MALRD1: variants seen among roughly 807,000 people sequenced by gnomAD.
The protein encoded by MALRD1 is MAM and LDL receptor class A domain containing 1.
Under a neutral mutation model 242.1 loss-of-function variants are expected in MALRD1, and 247 were observed. That is an observed-to-expected ratio of 1.02 (90% CI 0.92 to 1.13). The LOEUF (loss-of-function observed/expected upper bound fraction) is 1.13, where lower values mean the gene tolerates loss of function less well. Ranked by LOEUF, MALRD1 falls within the 50% of genes most tolerant of loss-of-function variation. The probability of loss-of-function intolerance (pLI) is 0.00; values close to 1 mark genes in which losing one functional copy is unlikely to be tolerated. For missense variants in MALRD1, 2,989 were observed against 2,533.1 expected (o/e 1.18, Z -3.86); for synonymous variants, 995 against 866.6 (o/e 1.15, Z -2.60).
chr10:19,132,662 TAGAAAGTGGGA>T (rs1203502058), intron 8 of MALRD1, among the ~76,000 whole-genome samples: 2 of 152,148 alleles, frequency 1.3e-5, no homozygotes, highest in Non-Finnish European at 2.9e-5. Flanking sequence ...TATCTCATGC[TAGAAAGTGGGA>T]CAGAGCCAGG....
chr10:19,337,439 A>T (rs1588931826), intron 24 of MALRD1, among the ~76,000 whole-genome samples: 1 of 152,122 alleles, frequency 6.6e-6, no homozygotes, highest in Non-Finnish European at 1.5e-5. Flanking sequence ...AGTTATAGCC[A>T]TCCTAGGGAG....
At chr10:19,637,357 A>T (rs1030957804) in intron 36 of MALRD1, among the ~76,000 whole-genome samples, 2 of 152,214 alleles carry the variant, frequency 1.3e-5, no homozygotes, top group East Asian at 3.9e-4. Flanking sequence ...TAATGATGGT[A>T]TCAACAATGA....
chr10:19,695,335 G>A (rs1261290736), intron 38 of MALRD1, among the ~76,000 whole-genome samples: 1 of 152,008 alleles, frequency 6.6e-6, no homozygotes, highest in African/African-American at 2.4e-5. Context: ...TAGCAGAACG[G>A]CAAAGGAAAT....
rs1838034523 is a variant in MALRD1, at chr10:19,595,359, A to G, written c.5846A>G (p.Asn1949Ser). 1 of 1,550,626 alleles carries G rather than the reference A, an allele frequency of 6.4e-7. No homozygotes were observed. The highest frequency in any genetic ancestry group is 8.7e-7 in the Non-Finnish European group (1 of 1,146,984). The change falls in exon 34 of 40, where the codon AAC (asparagine) becomes AGC (serine). Residue 1949 changes from asparagine to serine, a missense_variant. Transcript: ENST00000454679. ...AGCCCCACCCCTCCACTCTGTAGTAACATGGAGTTCCCGTGCTCTACAGAC... is the reference window on the plus strand; with the variant it reads ...AGCCCCACCCCTCCACTCTGTAGTAGCATGGAGTTCCCGTGCTCTACAGAC... ...PLSPTPPLCS[N>S]MEFPCSTDEC...
chr10:19,402,529 C>G (rs1353394332), intron 28 of MALRD1, among the ~76,000 whole-genome samples: 3 of 152,120 alleles, frequency 2.0e-5, no homozygotes, highest in Non-Finnish European at 4.4e-5. Context: ...TGAGGCCTCC[C>G]CAGCCATGTG....
intron 31 of MALRD1, among the ~76,000 whole-genome samples, chr10:19,499,647 C>G (rs1837882992): frequency 6.6e-6 from 1 of 152,152 alleles, no homozygotes; most frequent in Admixed American, 6.6e-5. Flanking sequence ...CCTGTTGATT[C>G]TGTTTCTCAG....
chr10:19,511,683 TAA>T (rs1363181877), intron 31 of MALRD1, among the ~76,000 whole-genome samples: 3 of 152,202 alleles, frequency 2.0e-5, no homozygotes, highest in African/African-American at 7.2e-5. Context: ...GGAATATCAG[TAA>T]CTTTTGTTTC....
intron 30 of MALRD1, among the ~76,000 whole-genome samples, chr10:19,494,176 T>C (rs112723239): frequency 3.9e-5 from 6 of 152,306 alleles, no homozygotes; most frequent in African/African-American, 9.6e-5. Flanking sequence ...CAAAGTACTT[T>C]GCTAGCATAC....
chr10:19,188,710 C>T (rs1393679798), intron 14 of MALRD1, among the ~76,000 whole-genome samples: 1 of 152,150 alleles, frequency 6.6e-6, no homozygotes, highest in Non-Finnish European at 1.5e-5. Flanking sequence ...AGTTCAGGTA[C>T]TAGCAACACC....
chr10:19,112,461 T>G (rs1836711678), intron 5 of MALRD1, among the ~76,000 whole-genome samples: 1 of 152,118 alleles, frequency 6.6e-6, no homozygotes, highest in Non-Finnish European at 1.5e-5. Flanking sequence ...CTTAAATCAC[T>G]TAAGGAAATG....
At chr10:19,193,265 G>C (rs761807386) in intron 14 of MALRD1, among the ~76,000 whole-genome samples, 6 of 152,092 alleles carry the variant, frequency 3.9e-5, no homozygotes, top group Non-Finnish European at 8.8e-5. Flanking sequence ...AAATAAGATG[G>C]AACTATCAAG....
chr10:19,466,758 G>A (rs1836233841), intron 29 of MALRD1, among the ~76,000 whole-genome samples: 1 of 152,088 alleles, frequency 6.6e-6, no homozygotes, highest in Non-Finnish European at 1.5e-5. Flanking sequence ...TCTTGGGAAT[G>A]GGGTCCAGAT....
intron 28 of MALRD1, among the ~76,000 whole-genome samples, chr10:19,413,880 A>G (rs903968573): frequency 1.1e-4 from 16 of 151,438 alleles, no homozygotes; most frequent in African/African-American, 3.6e-4. Flanking sequence ...GAACCGAGGA[A>G]GCAGAGGTTG....
chr10:19,287,582 T>C (rs937919359), intron 21 of MALRD1, among the ~76,000 whole-genome samples: 9 of 152,158 alleles, frequency 5.9e-5, no homozygotes, highest in Non-Finnish European at 1.3e-4. Context: ...CTTAATGTTC[T>C]TTTCCTCAAT....
chr10:19,605,190 C>A (rs905844358), intron 34 of MALRD1, among the ~76,000 whole-genome samples: 3 of 150,798 alleles, frequency 2.0e-5, no homozygotes, highest in African/African-American at 7.3e-5. Flanking sequence ...GAATCTTGCT[C>A]CATTCCCTGG....
chr10:19,442,014 A>G (rs565442415), intron 28 of MALRD1, among the ~76,000 whole-genome samples: 2 of 152,250 alleles, frequency 1.3e-5, no homozygotes, highest in East Asian at 1.9e-4. Flanking sequence ...TTCATTGAGC[A>G]TTGGTTTGTA....
intron 32 of MALRD1, among the ~76,000 whole-genome samples, chr10:19,533,467 T>C (rs189624134): frequency 2.6e-4 from 40 of 152,238 alleles, no homozygotes; most frequent in African/African-American, 9.6e-4. Context: ...ATTCTTGTGT[T>C]GCTGTAAAGA....
At chr10:19,055,491 G>A (rs1321984832) in intron 1 of MALRD1, among the ~76,000 whole-genome samples, 1 of 152,126 alleles carries the variant, frequency 6.6e-6, no homozygotes, top group Non-Finnish European at 1.5e-5. Context: ...ATGTCATGGA[G>A]CTTTTCTCCA....
intron 29 of MALRD1, among the ~76,000 whole-genome samples, chr10:19,475,949 C>T (rs368280325): frequency 2.6e-5 from 4 of 152,292 alleles, no homozygotes; most frequent in African/African-American, 9.6e-5. Context: ...GGATTGTTTT[C>T]CTTTTATTAC....
Sources: gnomAD v4.1 joint callset for allele counts (sites outside exome capture counted in the v4.1 genomes callset) on GRCh38, gnomAD v4.1.1 for gene constraint, MANE v1.5 for transcripts, NCBI Gene and HGNC (gene_info 2026-07-23, HGNC 2026-07-21) for gene names.